The following NODAL variants were observed in gnomAD, a reference collection of about 807,000 sequenced individuals.
The protein encoded by NODAL is nodal homolog.
Under a neutral mutation model 34.0 loss-of-function variants are expected in NODAL, and 12 were observed. The observed-to-expected ratio is 0.35, with a 90% confidence interval of 0.23 to 0.57. The LOEUF (loss-of-function observed/expected upper bound fraction) is 0.57, where lower values mean the gene tolerates loss of function less well. Among genes scored for constraint, NODAL ranks in the 20% least tolerant of loss-of-function variants. The pLI is 0.83. For missense variants in NODAL, 390 were observed against 444.2 expected, an observed-to-expected ratio of 0.88 and a Z score of 1.10; for synonymous variants, 162 against 186.4, an observed-to-expected ratio of 0.87 and a Z score of 1.07.
At chr10:70,441,753 C>T (rs1845435120), upstream of NODAL, 1 of 1,403,916 alleles carries the variant, frequency 7.1e-7, no homozygotes, top group Non-Finnish European at 9.8e-7. Flanking sequence ...TTTCCTCCCT[C>T]TGGGGAAGCT....
At position 70,432,659 on chromosome 10, in the gene NODAL, G is replaced by T; in HGVS notation, c.*277C>A. 2.0e-6 allele frequency: 1 copy of T among 488,122 alleles called. No homozygotes were observed. The highest frequency in any genetic ancestry group is 3.9e-5 in the East Asian group (1 of 25,498). 30.2% of individuals were successfully genotyped at this position (488,122 alleles called of 1,614,324 possible). On this transcript the variant is annotated 3_prime_UTR_variant, in exon 3 of 3. Coordinates refer to ENST00000287139, the MANE Select transcript of NODAL (RefSeq NM_018055.5). ...TCCAGTAAAGAACTCATGCACTTGTGCTTTTCCTTGCCACTGTCTTTTCAG... is the reference window on the plus strand; with the variant it reads ...TCCAGTAAAGAACTCATGCACTTGTTCTTTTCCTTGCCACTGTCTTTTCAG...
intron 1 of NODAL, among the ~76,000 whole-genome samples, chr10:70,439,152 G>A (rs368016913): frequency 7.2e-5 from 11 of 152,200 alleles, no homozygotes; most frequent in East Asian, 5.8e-4. Context: ...CTACAGGTGC[G>A]CGCCACCATG....
intron 2 of NODAL, 165 bp downstream of exon 2, chr10:70,435,121 A>T (rs923995662): frequency 3.1e-6 from 2 of 655,246 alleles, no homozygotes; most frequent in Admixed American, 4.9e-5. Context: ...AGGATGTTAC[A>T]CTCGGTCATC....
intron 1 of NODAL, chr10:70,447,824 C>A: frequency 2.1e-6 from 1 of 467,102 alleles, no homozygotes. Flanking sequence ...GAGGCCCCAG[C>A]CCCTGGTTTA....
chr10:70,445,952 G>A (rs971282533), upstream of NODAL, among the ~76,000 whole-genome samples: 5 of 152,218 alleles, frequency 3.3e-5, no homozygotes, highest in African/African-American at 4.8e-5. Flanking sequence ...ACCCGCAAGA[G>A]CAACTGTCTG....
At chr10:70,445,314 G>A (rs1448948448), upstream of NODAL, among the ~76,000 whole-genome samples, 2 of 152,166 alleles carry the variant, frequency 1.3e-5, no homozygotes, top group African/African-American at 2.4e-5. Context: ...CTAGAGTGCA[G>A]TGGTGCCATC....
chr10:70,447,830 G>A (rs982418602), intron 1 of NODAL: 1 of 469,720 alleles, frequency 2.1e-6, no homozygotes, highest in African/African-American at 2.0e-5. Flanking sequence ...CCAGCCCCTG[G>A]TTTATAACTG....
upstream of NODAL, among the ~76,000 whole-genome samples, chr10:70,444,135 G>A (rs1845462916): frequency 6.6e-6 from 1 of 151,858 alleles, no homozygotes; most frequent in Non-Finnish European, 1.5e-5. Flanking sequence ...GTTTTGCTAT[G>A]CTGCCCAGGC....
In NODAL at chr10:70,432,997, T is replaced by C; in HGVS notation, c.983A>G (p.Asn328Ser). 6.2e-7 allele frequency: 1 copy of C among 1,614,060 alleles called. No individual in the cohort carries two copies. Among genetic ancestry groups the C allele is most frequent in the African/African-American group, 1.3e-5 (1 of 75,006 alleles). ...ATGGTGATCTAGGAGCACTCTGCCATTATCCACATACAGCATGCTCAGCGG... is the reference window on the plus strand; with the variant it reads ...ATGGTGATCTAGGAGCACTCTGCCACTATCCACATACAGCATGCTCAGCGG... ...TKPLSMLYVD[N>S]GRVLLDHHKD... The change falls in exon 3 of 3, where the codon AAT (asparagine) becomes AGT (serine). Residue 328 changes from asparagine to serine, a missense_variant. Transcript: ENST00000287139.
chr10:70,441,333 C>T, intron 1 of NODAL, 142 bp downstream of exon 1: 2 of 882,580 alleles, frequency 2.3e-6, no homozygotes, highest in Non-Finnish European at 3.4e-6. Context: ...GAGCTAGGCC[C>T]TGGGCTCGGG....
intron 1 of NODAL, 67 bp downstream of exon 1, chr10:70,441,408 C>A (rs775811092): frequency 1.1e-5 from 16 of 1,514,822 alleles, no homozygotes; most frequent in African/African-American, 1.4e-5. Context: ...TTCCCGAGTC[C>A]GCTGGCTGGA....
chr10:70,436,121 T>TA, intron 1 of NODAL, 138 bp from the exon 2 acceptor site: 1 of 751,076 alleles, frequency 1.3e-6, no homozygotes, highest in Non-Finnish European at 2.3e-6. Flanking sequence ...CCCAACTCTA[T>TA]GAGTTGGTAA....
At chr10:70,440,661 G>A (rs1048771073) in intron 1 of NODAL, among the ~76,000 whole-genome samples, 19 of 152,172 alleles carry the variant, frequency 1.2e-4, no homozygotes, top group Non-Finnish European at 2.4e-4. Context: ...CGCCGCGCTG[G>A]GTGCCCAGAA....
chr10:70,438,853 G>A (rs1261637010), intron 1 of NODAL, among the ~76,000 whole-genome samples: 1 of 152,174 alleles, frequency 6.6e-6, no homozygotes, highest in African/African-American at 2.4e-5. Context: ...CTGATGCAAG[G>A]TAGGAATGTT....
intron 1 of NODAL, among the ~76,000 whole-genome samples, chr10:70,437,729 G>A (rs2132217121): frequency 6.6e-6 from 1 of 152,264 alleles, no homozygotes; most frequent in East Asian, 1.9e-4. Context: ...AGCATCTTTG[G>A]TCAGAGAGGA....
At chr10:70,441,299 C>A (rs1028250698) in intron 1 of NODAL, among the ~76,000 whole-genome samples, 176 bp downstream of exon 1, 2 of 152,276 alleles carry the variant, frequency 1.3e-5, no homozygotes, top group African/African-American at 4.8e-5. Context: ...GCACCCCGAG[C>A]CTGCTGACGC....
At chr10:70,443,933 C>CTT (rs560719151), upstream of NODAL, among the ~76,000 whole-genome samples, 549 of 143,860 alleles carry the variant, frequency 3.8e-3, 1 homozygote, top group African/African-American at 0.012. Flanking sequence ...GTTGACTCCC[C>CTT]TTTTTTTTTT....
At chr10:70,436,728 G>C (rs1845361160) in intron 1 of NODAL, among the ~76,000 whole-genome samples, 1 of 151,990 alleles carries the variant, frequency 6.6e-6, no homozygotes, top group African/African-American at 2.4e-5. Flanking sequence ...TTACAAATAG[G>C]TTTCTAAAGG....
chr10:70,442,892 G>A (rs898766882), upstream of NODAL, among the ~76,000 whole-genome samples: 2 of 152,100 alleles, frequency 1.3e-5, no homozygotes, highest in Non-Finnish European at 2.9e-5. Flanking sequence ...AGACCAGCCT[G>A]GTCAACATGG....
Sources: gnomAD v4.1 joint callset for allele counts (sites outside exome capture counted in the v4.1 genomes callset) on GRCh38, gnomAD v4.1.1 for gene constraint, MANE v1.5 for transcripts, NCBI Gene and HGNC (gene_info 2026-07-23, HGNC 2026-07-21) for gene names.